The following PTPRM variants were observed in gnomAD, a reference collection of about 807,000 sequenced individuals.
The protein encoded by PTPRM is receptor-type tyrosine-protein phosphatase mu.
In PTPRM, 47 loss-of-function variants were observed where a neutral mutation model predicts 186.7. The ratio of observed to expected loss-of-function variants is 0.25; its 90% CI spans 0.20 to 0.32. The LOEUF (loss-of-function observed/expected upper bound fraction) is 0.32, where lower values mean the gene tolerates loss of function less well. Ranked by LOEUF, PTPRM falls within the 10% of genes least tolerant of loss-of-function variation. PTPRM has a pLI of 1.00. For missense variants in PTPRM, 1,494 were observed against 1,865.0 expected, an observed-to-expected ratio of 0.80 and a Z score of 3.66; for synonymous variants, 668 against 674.9, an observed-to-expected ratio of 0.99 and a Z score of 0.16.
chr18:8,388,630 G>A (rs2095792736), intron 31 of PTPRM, among the ~76,000 whole-genome samples: 1 of 152,108 alleles, frequency 6.6e-6, no homozygotes, highest in African/African-American at 2.4e-5. Context: ...TCTAGTTGCT[G>A]TCATCCCCCC....
At chr18:8,161,961 C>T (rs1300130441) in intron 14 of PTPRM, among the ~76,000 whole-genome samples, 1 of 152,166 alleles carries the variant, frequency 6.6e-6, no homozygotes, top group Non-Finnish European at 1.5e-5. Context: ...CTGTGTTCTG[C>T]ACTGGGATTG....
At chr18:7,942,593 C>T (rs1271186829) in intron 5 of PTPRM, among the ~76,000 whole-genome samples, 1 of 150,538 alleles carries the variant, frequency 6.6e-6, no homozygotes, top group East Asian at 2.0e-4. Flanking sequence ...CCTAGCCCAT[C>T]TCAGGGCAGA....
chr18:8,182,348 C>T (rs7232503), intron 14 of PTPRM, among the ~76,000 whole-genome samples: 88,736 of 151,374 alleles, frequency 0.59, 26,420 homozygotes, highest in Middle Eastern at 0.71. Flanking sequence ...AGGTAGTTTT[C>T]CAGCCCTTGC....
chr18:8,117,588 AAGTT>A (rs2092003809), intron 13 of PTPRM, among the ~76,000 whole-genome samples: 1 of 152,274 alleles, frequency 6.6e-6, no homozygotes, highest in African/African-American at 2.4e-5. Flanking sequence ...AACTTCATAA[AAGTT>A]AGACAGGAAA....
chr18:8,356,957 G>C, intron 23 of PTPRM, among the ~76,000 whole-genome samples: 1 of 152,204 alleles, frequency 6.6e-6, no homozygotes, highest in East Asian at 1.9e-4. Context: ...CCTGTTTGCT[G>C]TTTACATTTT....
Position 8,113,799 on chromosome 18 carries a change from GT to G in PTPRM, c.2130+42del, listed in dbSNP as rs771454218. The G allele has an allele frequency of 3.2e-6, 5 of 1,546,788 alleles. No individual in the cohort carries two copies. In the East Asian group the frequency reaches 1.1e-4, roughly 35 times the overall value. ...TAACTGTTTACTTAGGCTATTTGGG[GT>G]TGTTAATGTGAACATAGATTAAGTA... On this transcript the variant is annotated intron_variant, in intron 12 of 32. Coordinates refer to ENST00000580170, the MANE Select transcript of PTPRM (RefSeq NM_001105244.2).
intron 2 of PTPRM, among the ~76,000 whole-genome samples, chr18:7,834,992 C>CTTT (rs57839485): frequency 1.9e-4 from 16 of 85,246 alleles, no homozygotes; most frequent in Non-Finnish European, 2.5e-4. Flanking sequence ...TTATTTGGAT[C>CTTT]TTTTTTTTTT....
At chr18:8,181,381 T>C (rs8087582) in intron 14 of PTPRM, among the ~76,000 whole-genome samples, 66,631 of 152,086 alleles carry the variant, frequency 0.44, 15,350 homozygotes, top group Non-Finnish European at 0.53. Flanking sequence ...GAGCCCACTT[T>C]GGTGGGCAGA....
chr18:8,138,809 A>G (rs1336258845), intron 13 of PTPRM, among the ~76,000 whole-genome samples: 1 of 152,112 alleles, frequency 6.6e-6, no homozygotes, highest in Non-Finnish European at 1.5e-5. Flanking sequence ...TATCATTAGC[A>G]TTCGCATTCA....
At chr18:7,732,724 C>T (rs1028945590) in intron 1 of PTPRM, among the ~76,000 whole-genome samples, 3 of 151,868 alleles carry the variant, frequency 2.0e-5, no homozygotes, top group Non-Finnish European at 4.4e-5. Flanking sequence ...AGGCTGGTCT[C>T]GAACTCCTGG....
rs1822455 is a variant in PTPRM at position 7,857,205 on chromosome 18, T to C, written c.197-30901T>C. On this transcript the variant is annotated intron_variant, in intron 2 of 32. Coordinates refer to ENST00000580170, the MANE Select transcript of PTPRM (RefSeq NM_001105244.2). Reference sequence around the variant, plus strand: ...CGGGCAGGTTGACAGATGGTCACATTCAGTAGGTAGGCTGAGCTCAGTTCG... The same window carrying C: ...CGGGCAGGTTGACAGATGGTCACATCCAGTAGGTAGGCTGAGCTCAGTTCG... Among the ~76,000 whole-genome samples the C allele has an allele frequency of 4.4e-3, 675 of 152,224 alleles. 2 individuals carry two copies. Among genetic ancestry groups the C allele is most frequent in the African/African-American group, 0.015 (638 of 41,534 alleles).
At chr18:8,263,745 T>C (rs2094663504) in intron 19 of PTPRM, among the ~76,000 whole-genome samples, 1 of 152,164 alleles carries the variant, frequency 6.6e-6, no homozygotes, top group Non-Finnish European at 1.5e-5. Flanking sequence ...CAAGCTGTGA[T>C]GAGCTTCTGG....
At chr18:7,696,519 T>C (rs2039847397) in intron 1 of PTPRM, among the ~76,000 whole-genome samples, 1 of 152,214 alleles carries the variant, frequency 6.6e-6, no homozygotes, top group African/African-American at 2.4e-5. Flanking sequence ...CTTCATTAGC[T>C]GTAGAGGTGC....
chr18:8,178,084 T>C (rs1393085524), intron 14 of PTPRM, among the ~76,000 whole-genome samples: 1 of 152,228 alleles, frequency 6.6e-6, no homozygotes, highest in Non-Finnish European at 1.5e-5. Context: ...GAGATCTTAT[T>C]GGGAAGCTGC....
chr18:8,186,253 A>G (rs989433634), intron 14 of PTPRM, among the ~76,000 whole-genome samples: 1 of 150,676 alleles, frequency 6.6e-6, no homozygotes, highest in African/African-American at 2.4e-5. Flanking sequence ...TAGAACCTGG[A>G]AGGCGAAGGT....
intron 7 of PTPRM, among the ~76,000 whole-genome samples, chr18:8,041,141 T>A (rs2086663493): frequency 6.6e-6 from 1 of 152,222 alleles, no homozygotes; most frequent in African/African-American, 2.4e-5. Context: ...CATTTATTTC[T>A]GTACCACATT....
chr18:8,394,090 C>T (rs2095833266), intron 31 of PTPRM, among the ~76,000 whole-genome samples: 1 of 152,196 alleles, frequency 6.6e-6, no homozygotes, highest in African/African-American at 2.4e-5. Flanking sequence ...CTGCGCCCAG[C>T]TGCTAATGGA....
intron 7 of PTPRM, among the ~76,000 whole-genome samples, chr18:8,043,637 G>C (rs2086830503): frequency 6.6e-6 from 1 of 151,766 alleles, no homozygotes; most frequent in Admixed American, 6.6e-5. Context: ...ATGCTTCCAT[G>C]GAGAAGTCAG....
At chr18:8,087,153 A>G (rs1334012546) in intron 10 of PTPRM, among the ~76,000 whole-genome samples, 1 of 152,148 alleles carries the variant, frequency 6.6e-6, no homozygotes, top group Admixed American at 6.6e-5. Context: ...TATCTAGCGC[A>G]TGAATTTATC....
Sources: allele counts gnomAD v4.1 joint callset (sites outside exome capture counted in the v4.1 genomes callset), GRCh38; gene constraint gnomAD v4.1.1; transcripts MANE v1.5; gene names NCBI Gene and HGNC (gene_info 2026-07-23, HGNC 2026-07-21).